The following CREB5 variants were observed in gnomAD, a reference collection of about 807,000 sequenced individuals.
CREB5 encodes the protein cAMP responsive element binding protein 5.
CREB5 carries 19 observed loss-of-function variants against 57.1 expected under a neutral mutation model. The ratio of observed to expected loss-of-function variants is 0.33; its 90% CI spans 0.23 to 0.49. The LOEUF is 0.49. Among genes scored for constraint, CREB5 ranks in the 20% least tolerant of loss-of-function variants. The pLI is 0.99. For missense variants in CREB5, 579 were observed against 671.6 expected, an observed-to-expected ratio of 0.86 and a Z score of 1.52; for synonymous variants, 238 against 238.3, an observed-to-expected ratio of 1.00 and a Z score of 0.01.
intron 5 of CREB5, among the ~76,000 whole-genome samples, chr7:28,637,644 G>T (rs2128697672): frequency 6.6e-6 from 1 of 152,254 alleles, no homozygotes; most frequent in Admixed American, 6.5e-5. Flanking sequence ...AAGATGCAGA[G>T]GGCAAACTAT....
chr7:28,355,053 C>T (rs1362562780), intron 1 of CREB5, among the ~76,000 whole-genome samples: 1 of 152,180 alleles, frequency 6.6e-6, no homozygotes. Flanking sequence ...TTATGTCTTC[C>T]GTTGCAGCAG....
At chr7:28,706,411 G>T (rs1388866725) in intron 5 of CREB5, among the ~76,000 whole-genome samples, 1 of 152,096 alleles carries the variant, frequency 6.6e-6, no homozygotes, top group Non-Finnish European at 1.5e-5. Context: ...GGTATCTGTG[G>T]GTGTTTGTAT....
intron 1 of CREB5, among the ~76,000 whole-genome samples, chr7:28,348,408 T>TCA (rs59152695): frequency 0.016 from 1,845 of 118,220 alleles, 39 homozygotes; most frequent in African/African-American, 0.052. Flanking sequence ...TCTCTCTCTC[T>TCA]CACACACACA....
intron 5 of CREB5, among the ~76,000 whole-genome samples, chr7:28,687,872 A>T (rs1162215377): frequency 6.6e-6 from 1 of 152,070 alleles, no homozygotes; most frequent in Non-Finnish European, 1.5e-5. Context: ...ACCTTGAGCA[A>T]ATCACTTAAA....
At chr7:28,737,137 C>A (rs1044502098) in intron 7 of CREB5, among the ~76,000 whole-genome samples, 1 of 151,812 alleles carries the variant, frequency 6.6e-6, no homozygotes, top group Non-Finnish European at 1.5e-5. Context: ...TGGAAAATAC[C>A]AAGTCTCTGT....
intron 4 of CREB5, among the ~76,000 whole-genome samples, chr7:28,560,899 T>TGCGTGTGC (rs1337535590): frequency 1.1e-4 from 2 of 18,644 alleles, no homozygotes; most frequent in African/African-American, 5.0e-4. Flanking sequence ...TGTGTGTGCG[T>TGCGTGTGC]GCGCGCGTGC....
At chr7:28,780,666 G>A (rs1197227359) in intron 7 of CREB5, among the ~76,000 whole-genome samples, 1 of 152,154 alleles carries the variant, frequency 6.6e-6, no homozygotes, top group East Asian at 1.9e-4. Flanking sequence ...AGATTGCAGT[G>A]TGCCGAGATC....
upstream of CREB5, among the ~76,000 whole-genome samples, chr7:28,408,561 G>A (rs1351868894): frequency 6.6e-6 from 1 of 152,192 alleles, no homozygotes; most frequent in Non-Finnish European, 1.5e-5. Flanking sequence ...GGCTCTGGAA[G>A]TGACAGCCAA....
At chr7:28,465,592 G>C (rs1790529920) in intron 1 of CREB5, among the ~76,000 whole-genome samples, 2 of 152,142 alleles carry the variant, frequency 1.3e-5, no homozygotes, top group African/African-American at 4.8e-5. Context: ...TCCTAGCTCT[G>C]CTTTTACTGA....
intron 1 of CREB5, among the ~76,000 whole-genome samples, chr7:28,448,766 T>A (rs1789631125): frequency 6.6e-6 from 1 of 152,234 alleles, no homozygotes; most frequent in African/African-American, 2.4e-5. Flanking sequence ...TCAGTGTAAA[T>A]CCAGGAACAT....
At chr7:28,593,200 G>A (rs1163872457) in intron 5 of CREB5, among the ~76,000 whole-genome samples, 1 of 151,816 alleles carries the variant, frequency 6.6e-6, no homozygotes, top group African/African-American at 2.4e-5. Context: ...TACTCAATTT[G>A]TGTCGGTTGA....
intron 7 of CREB5, among the ~76,000 whole-genome samples, chr7:28,754,796 T>G (rs1412094354): frequency 6.6e-6 from 1 of 152,146 alleles, no homozygotes; most frequent in African/African-American, 2.4e-5. Context: ...GATCCTTTAT[T>G]CTCCAGTCAG....
chr7:28,499,732 C>T (rs998416786), intron 3 of CREB5, among the ~76,000 whole-genome samples: 1 of 152,044 alleles, frequency 6.6e-6, no homozygotes, highest in African/African-American at 2.4e-5. Context: ...TACAGGCGTG[C>T]ACCACCACAC....
chr7:28,538,294 T>C lies in CREB5; in HGVS notation c.291+30557T>C, dbSNP rs374934349. Reference sequence around the variant, plus strand: ...GTCTCGAACTCCTGACCTCAAGTGATCTGCCCGCTTCGGCCTCCCAAAGTG... The same window carrying C: ...GTCTCGAACTCCTGACCTCAAGTGACCTGCCCGCTTCGGCCTCCCAAAGTG... On this transcript the variant is annotated intron_variant, in intron 4 of 10. Transcript: ENST00000357727. Among the ~76,000 whole-genome samples the C allele has an allele frequency of 1.2e-4, 19 of 152,308 alleles. No homozygotes were observed. The East Asian group carries it at 1.5e-3, about 12-fold the overall frequency.
intron 5 of CREB5, among the ~76,000 whole-genome samples, chr7:28,622,257 TCTCACA>T (rs1393894321): frequency 2.5e-4 from 35 of 139,318 alleles, no homozygotes; most frequent in East Asian, 5.2e-4. Flanking sequence ...TCTCTCTCTC[TCTCACA>T]CACACACACA....
At chr7:28,634,952 C>T (rs1413437784) in intron 5 of CREB5, among the ~76,000 whole-genome samples, 1 of 152,202 alleles carries the variant, frequency 6.6e-6, no homozygotes, top group Non-Finnish European at 1.5e-5. Flanking sequence ...ATCCCAACAA[C>T]ACACAAAAGA....
chr7:28,303,532 T>A (rs1785137120), intron 1 of CREB5, among the ~76,000 whole-genome samples: 1 of 152,214 alleles, frequency 6.6e-6, no homozygotes, highest in Non-Finnish European at 1.5e-5. Flanking sequence ...GATGTAAAAA[T>A]ACATGAACAC....
rs201702739 is a variant in CREB5, at chr7:28,643,777, A to C, written c.464+73240A>C. Among the ~76,000 whole-genome samples the C allele has an allele frequency of 3.4e-3, 489 of 145,944 alleles. 5 individuals are homozygous for C. Among genetic ancestry groups the C allele is most frequent in the African/African-American group, 0.011 (460 of 40,618 alleles). ...GGGGGGGGGCGGAAGAAAAAAAAAA[A>C]ACACACAAACCTGGAGTCCTGGCTG... On this transcript the variant is annotated intron_variant, in intron 5 of 10. Transcript: ENST00000357727.
At chr7:28,705,278 G>A (rs1031242798) in intron 5 of CREB5, among the ~76,000 whole-genome samples, 1 of 150,784 alleles carries the variant, frequency 6.6e-6, no homozygotes. Flanking sequence ...CAGGAGAATT[G>A]CTTGAACCCG....
Sources: allele counts gnomAD v4.1 joint callset (sites outside exome capture counted in the v4.1 genomes callset), GRCh38; gene constraint gnomAD v4.1.1; transcripts MANE v1.5; gene names NCBI Gene and HGNC (gene_info 2026-07-23, HGNC 2026-07-21).